Variants in AHCTF1 observed in about 807,000 individuals in gnomAD.
AHCTF1 encodes protein ELYS.
AHCTF1 carries 24 observed loss-of-function variants against 248.4 expected under a neutral mutation model. The observed-to-expected ratio is 0.10, with a 90% CI of 0.07 to 0.14. AHCTF1 has a LOEUF of 0.14. Ranked by LOEUF, AHCTF1 falls within the 10% of genes least tolerant of loss-of-function variation. The probability of loss-of-function intolerance (pLI) is 1.00; values close to 1 mark genes in which losing one functional copy is unlikely to be tolerated. For synonymous variants in AHCTF1, 786 were observed against 929.8 expected (o/e 0.85, Z 2.81); for missense variants, 2,206 against 2,636.2 (o/e 0.84, Z 3.57).
At chr1:246,921,033 A>G (rs1666512892) in intron 1 of AHCTF1, among the ~76,000 whole-genome samples, 1 of 152,204 alleles carries the variant, frequency 6.6e-6, no homozygotes, top group Admixed American at 6.5e-5. Context: ...AGGAGGTTGC[A>G]GTGAACCAAG....
rs1480252831 is a variant in AHCTF1 at position 246,931,738 on chromosome 1, CG to C, written c.-169del. On this transcript the variant is annotated 5_prime_UTR_variant, in exon 1 of 36. Coordinates refer to ENST00000648844, the MANE Select transcript of AHCTF1 (RefSeq NM_001323342.2). Reference sequence around the variant, plus strand: ...CCGCCCGGCTGAAGCCGCTCCTCTGCGCTCCGGCCGCCGCCTGCGACCTCCC... The same window carrying C: ...CCGCCCGGCTGAAGCCGCTCCTCTGCCTCCGGCCGCCGCCTGCGACCTCCC... 3 of 153,124 alleles carry C rather than the reference CG, an allele frequency of 2.0e-5. No individual in the cohort carries two copies. The highest frequency in any genetic ancestry group is 7.2e-5 in the African/African-American group (3 of 41,572). The allele number at this position is 153,124 out of a possible 1,614,324, so 9.5% of individuals were successfully genotyped here.
In AHCTF1 at chr1:246,850,157, T is replaced by G. The variant is rs1483649341; in HGVS notation, c.5849A>C (p.Glu1950Ala). 4.3e-6 allele frequency: 7 copies of G among 1,613,974 alleles called. No homozygotes were observed. In the South Asian group the frequency reaches 7.7e-5, roughly 18 times the overall value. ...GREVSPSDVR[E>A]DSNLESSQLT... ...CTGAGATGACTCAAGGTTGGAGTCT[T>G]CTCTCACATCTGATGGACTAACTTC... The change falls in exon 33 of 36, where the codon GAA (glutamate) becomes GCA (alanine). Residue 1950 changes from glutamate to alanine, a missense_variant. This residue lies in a region of AHCTF1 where 469 missense variants were observed against 470.0 expected (regional missense o/e 1.00). Transcript: ENST00000648844.
At position 246,839,651 on chromosome 1, in the gene AHCTF1, T is replaced by C; in HGVS notation, c.*1155A>G. 1.4e-6 allele frequency: 1 copy of C among 737,922 alleles called. No homozygotes were observed. Among genetic ancestry groups the C allele is most frequent in the Non-Finnish European group, 1.7e-6 (1 of 603,618 alleles). 45.7% of individuals were successfully genotyped at this position (737,922 alleles called of 1,614,324 possible). ...AAATAAATGCAGAAAGCACACTGCATATGCTTCACATTAAAATATTAAAAG... is the reference window on the plus strand; with the variant it reads ...AAATAAATGCAGAAAGCACACTGCACATGCTTCACATTAAAATATTAAAAG... On this transcript the variant is annotated 3_prime_UTR_variant, in exon 36 of 36. Transcript: ENST00000648844.
chr1:246,911,668 G>C (rs1438398885), intron 4 of AHCTF1, among the ~76,000 whole-genome samples: 4 of 152,074 alleles, frequency 2.6e-5, no homozygotes, highest in Non-Finnish European at 2.9e-5. Flanking sequence ...TTTTTTAGTA[G>C]AGACGGGGTT....
intron 33 of AHCTF1, among the ~76,000 whole-genome samples, chr1:246,845,575 G>A (rs745364337): frequency 5.3e-5 from 8 of 152,064 alleles, no homozygotes; most frequent in Non-Finnish European, 8.8e-5. Flanking sequence ...TTCACTTTTC[G>A]TAATCTTCAC....
At position 246,864,743 on chromosome 1, in the gene AHCTF1, G is replaced by C. The variant is rs543159227; in HGVS notation, c.3348-627C>G. ...TAGTCCCAGCTACTCGGGAGGCTGAGGCAGGAGAATGGCGTGAACCCGGGA... is the reference window on the plus strand; with the variant it reads ...TAGTCCCAGCTACTCGGGAGGCTGACGCAGGAGAATGGCGTGAACCCGGGA... On this transcript the variant is annotated intron_variant, in intron 26 of 35. Transcript: ENST00000648844. Among the ~76,000 whole-genome samples the C allele has an allele frequency of 1.7e-3, 113 of 66,580 alleles. 33 individuals are homozygous for C. The highest frequency in any genetic ancestry group is 3.3e-3 in the Admixed American group (20 of 5,986). 43.7% of individuals were successfully genotyped at this position (66,580 alleles called of 152,430 possible). A position where few individuals can be genotyped will look rare whatever the true frequency, so the allele number is the denominator to read the frequency against.
chr1:246,860,140 G>C (rs1661424152), intron 29 of AHCTF1, among the ~76,000 whole-genome samples: 1 of 151,606 alleles, frequency 6.6e-6, no homozygotes, highest in Admixed American at 6.6e-5. Context: ...GGCGACTATA[G>C]TCCCAGCTAC....
chr1:246,878,854 G>A (rs1409839248), intron 21 of AHCTF1, among the ~76,000 whole-genome samples: 1 of 152,128 alleles, frequency 6.6e-6, no homozygotes, highest in Non-Finnish European at 1.5e-5. Context: ...AATGTGTAGA[G>A]GTATTCCCTA....
intron 2 of AHCTF1, 146 bp from the exon 3 acceptor site, chr1:246,916,541 T>A: frequency 1.3e-6 from 1 of 787,830 alleles, no homozygotes; most frequent in South Asian, 1.9e-5. Flanking sequence ...CAAGCAACTA[T>A]CATTACAATA....
At chr1:246,914,170 T>A (rs962582210) in intron 3 of AHCTF1, among the ~76,000 whole-genome samples, 2 of 152,212 alleles carry the variant, frequency 1.3e-5, no homozygotes, top group African/African-American at 4.8e-5. Context: ...ATACTTGTCT[T>A]TCCTTCAGTT....
At chr1:246,931,033 C>T in intron 1 of AHCTF1, 2 of 1,458,510 alleles carry the variant, frequency 1.4e-6, no homozygotes, top group East Asian at 2.7e-5. Flanking sequence ...CCAAGATGTG[C>T]TTTTATTTTA....
intron 1 of AHCTF1, among the ~76,000 whole-genome samples, chr1:246,927,763 G>A (rs916497904): frequency 2.0e-5 from 3 of 152,114 alleles, no homozygotes; most frequent in African/African-American, 7.2e-5. Flanking sequence ...CCAGTACTTT[G>A]GGAGGCCGAG....
At chr1:246,887,500 T>C (rs936164434) in intron 19 of AHCTF1, 143 bp from the exon 20 acceptor site, 2 of 790,004 alleles carry the variant, frequency 2.5e-6, no homozygotes, top group East Asian at 5.5e-5. Context: ...TCATGGAGAG[T>C]CAGCAATGAG....
chr1:246,875,599 T>C (rs1374641809), intron 24 of AHCTF1, among the ~76,000 whole-genome samples: 2 of 152,190 alleles, frequency 1.3e-5, no homozygotes, highest in African/African-American at 2.4e-5. Flanking sequence ...AACTTCACTG[T>C]GTCATCGTAA....
intron 21 of AHCTF1, among the ~76,000 whole-genome samples, chr1:246,881,963 A>G (rs1663464868): frequency 6.7e-6 from 1 of 149,618 alleles, no homozygotes; most frequent in Admixed American, 6.7e-5. Flanking sequence ...TACAGGCATG[A>G]GCCACCGTGC....
chr1:246,919,410 G>A (rs1666362886), intron 1 of AHCTF1, among the ~76,000 whole-genome samples: 1 of 152,152 alleles, frequency 6.6e-6, no homozygotes, highest in Non-Finnish European at 1.5e-5. Flanking sequence ...ATTCAAGCTA[G>A]GTTATATGGA....
chr1:246,842,339 T>C (rs1020126205), intron 35 of AHCTF1, among the ~76,000 whole-genome samples: 11 of 152,138 alleles, frequency 7.2e-5, no homozygotes, highest in African/African-American at 2.4e-4. Context: ...CCAAGCACTA[T>C]GGGAGGCCAA....
At chr1:246,864,595 G>GT (rs1372769706) in intron 26 of AHCTF1, among the ~76,000 whole-genome samples, 4 of 22,160 alleles carry the variant, frequency 1.8e-4, no homozygotes, top group Admixed American at 6.2e-4. Flanking sequence ...GACTGACTTG[G>GT]GAGGCCGAGG....
At chr1:246,896,942 C>A (rs1664623261) in intron 12 of AHCTF1, among the ~76,000 whole-genome samples, 2 of 152,108 alleles carry the variant, frequency 1.3e-5, no homozygotes, top group Non-Finnish European at 2.9e-5. Context: ...ATATTTAATA[C>A]CAGGGACAAA....
Sources: allele counts gnomAD v4.1 joint callset (sites outside exome capture counted in the v4.1 genomes callset), GRCh38; gene constraint gnomAD v4.1.1; regional missense constraint gnomAD v4.1.1; transcripts MANE v1.5; gene names NCBI Gene and HGNC (gene_info 2026-07-23, HGNC 2026-07-21).